RNF216: variants seen among roughly 807,000 people sequenced by gnomAD.
RNF216 encodes the protein E3 ubiquitin-protein ligase RNF216.
In RNF216, 72 loss-of-function variants were observed where a neutral mutation model predicts 110.8. That is an observed-to-expected ratio of 0.65 (90% CI 0.54 to 0.79). The LOEUF (loss-of-function observed/expected upper bound fraction) is 0.79, where lower values mean the gene tolerates loss of function less well. Ranked by LOEUF, RNF216 falls within the 30% of genes least tolerant of loss-of-function variation. The pLI is 0.00. For synonymous variants in RNF216, 495 were observed against 407.5 expected, an observed-to-expected ratio of 1.21 and a Z score of -2.59; for missense variants, 1,342 against 1,141.2, an observed-to-expected ratio of 1.18 and a Z score of -2.54.
In RNF216 at chr7:5,689,728, TG is replaced by T. The variant is rs951781838; in HGVS notation, c.2061+22032del. Among the ~76,000 whole-genome samples, 57 of 151,608 alleles carry T rather than the reference TG, an allele frequency of 3.8e-4. 1 individual carries two copies. Among genetic ancestry groups the T allele is most frequent in the Admixed American group, 3.5e-3 (53 of 15,216 alleles). ...AGCACTTTGGGGAGGCCGAGGCAGG[TG>T]GATCACCTAAGGTTAGGAGTTCAAG... On this transcript the variant is annotated intron_variant, in intron 13 of 16. Coordinates refer to ENST00000389902, the MANE Select transcript of RNF216 (RefSeq NM_207111.4).
chr7:5,778,062 T>C (rs971296689), intron 1 of RNF216, among the ~76,000 whole-genome samples: 1 of 152,212 alleles, frequency 6.6e-6, no homozygotes, highest in African/African-American at 2.4e-5. Context: ...CTCCATCCCT[T>C]GACATGTTTT....
chr7:5,714,305 C>A (rs1792904983), intron 11 of RNF216, among the ~76,000 whole-genome samples: 2 of 152,172 alleles, frequency 1.3e-5, no homozygotes, highest in Middle Eastern at 3.4e-3. Flanking sequence ...GTTGCCCAGG[C>A]TGGAGTGCAA....
intron 13 of RNF216, among the ~76,000 whole-genome samples, chr7:5,683,408 G>A (rs946836201): frequency 3.4e-4 from 51 of 152,146 alleles, no homozygotes; most frequent in African/African-American, 1.2e-3. Flanking sequence ...TCCTGCAACA[G>A]TGCCCAGAGG....
intron 5 of RNF216, among the ~76,000 whole-genome samples, chr7:5,738,472 G>A (rs748847872): frequency 1.3e-5 from 2 of 152,140 alleles, no homozygotes; most frequent in Non-Finnish European, 2.9e-5. Context: ...ACTTTGGGAG[G>A]CCGAGGCGGG....
intron 7 of RNF216, among the ~76,000 whole-genome samples, chr7:5,727,902 G>C (rs1214073137): frequency 6.6e-6 from 1 of 150,964 alleles, no homozygotes; most frequent in Non-Finnish European, 1.5e-5. Context: ...TCCATATGCT[G>C]ATGACTCTCA....
chr7:5,745,327 T>C (rs1794975844), intron 3 of RNF216, among the ~76,000 whole-genome samples: 1 of 152,204 alleles, frequency 6.6e-6, no homozygotes, highest in Non-Finnish European at 1.5e-5. Flanking sequence ...AAATGACTAG[T>C]TCCTTAACAT....
In RNF216 at chr7:5,761,028, G is replaced by A; in HGVS notation, c.42C>T (p.Asn14=). 1.3e-6 allele frequency: 2 copies of A among 1,583,826 alleles called. No individual in the cohort carries two copies. Among genetic ancestry groups the A allele is most frequent in the African/African-American group, 1.4e-5 (1 of 72,888 alleles). Residue 14 remains asparagine, a synonymous_variant, in exon 2 of 17, where the codon AAC becomes AAT. Transcript: ENST00000389902. ...GNNNEEVIHL[N]NFHCHRGQEW... Reference sequence around the variant, plus strand: ...CTTGTCCCCGATGGCAGTGAAAGTTGTTCAAGTGAATTACCTCTTCATTGT... The same window carrying A: ...CTTGTCCCCGATGGCAGTGAAAGTTATTCAAGTGAATTACCTCTTCATTGT...
intron 7 of RNF216, among the ~76,000 whole-genome samples, 162 bp downstream of exon 7, chr7:5,729,270 G>C (rs772655200): frequency 3.3e-5 from 5 of 152,042 alleles, no homozygotes; most frequent in Non-Finnish European, 5.9e-5. Context: ...TTTTCATTTA[G>C]TCCGTCACGA....
At chr7:5,753,560 GTA>G (rs1795443332) in intron 2 of RNF216, among the ~76,000 whole-genome samples, 1 of 152,096 alleles carries the variant, frequency 6.6e-6, no homozygotes, top group Non-Finnish European at 1.5e-5. Context: ...CCATCTAAAT[GTA>G]GTAATTCTAT....
rs775383603 is a variant in RNF216 at position 5,761,116 on chromosome 7, G to C, written c.-47C>G. ...TATGGGACTGCTAATATCTAAACATGGTGACCATCTGTTTCAAAAGAACTG... is the reference window on the plus strand; with the variant it reads ...TATGGGACTGCTAATATCTAAACATCGTGACCATCTGTTTCAAAAGAACTG... On this transcript the variant is annotated 5_prime_UTR_variant, in exon 2 of 17. Transcript: ENST00000389902. 6.3e-6 allele frequency: 8 copies of C among 1,278,978 alleles called. No homozygotes were observed. The highest frequency in any genetic ancestry group is 8.7e-6 in the Non-Finnish European group (8 of 917,230). 79.2% of individuals were successfully genotyped at this position (1,278,978 alleles called of 1,614,324 possible). A position where few individuals can be genotyped will look rare whatever the true frequency, so the allele number is the denominator to read the frequency against.
chr7:5,727,299 T>C (rs1793819645), intron 7 of RNF216, among the ~76,000 whole-genome samples: 1 of 152,258 alleles, frequency 6.6e-6, no homozygotes, highest in African/African-American at 2.4e-5. Flanking sequence ...CACCTCACCC[T>C]TATGACCACA....
At chr7:5,752,343 T>A (rs528784362) in intron 3 of RNF216, among the ~76,000 whole-genome samples, 1 of 152,198 alleles carries the variant, frequency 6.6e-6, no homozygotes, top group Non-Finnish European at 1.5e-5. Context: ...TAGCCTTGAC[T>A]ATATGAAAAG....
At chr7:5,692,417 C>T (rs376065267) in intron 13 of RNF216, among the ~76,000 whole-genome samples, 2 of 152,218 alleles carry the variant, frequency 1.3e-5, no homozygotes, top group East Asian at 3.8e-4. Flanking sequence ...GTTAGTCAGA[C>T]ATACTCTGTG....
intron 14 of RNF216, among the ~76,000 whole-genome samples, chr7:5,644,827 CTTTTTTTTTT>C (rs59440013): frequency 7.4e-6 from 1 of 135,940 alleles, no homozygotes; most frequent in African/African-American, 2.8e-5. Context: ...TTCTTTTTTT[CTTTTTTTTTT>C]TTTTTGAAAC....
chr7:5,734,608 C>CTTTTCTCACTGT, intron 5 of RNF216, among the ~76,000 whole-genome samples: 1 of 136,990 alleles, frequency 7.3e-6, no homozygotes, highest in African/African-American at 3.3e-5. Flanking sequence ...AAATGGCTTT[C>CTTTTCTCACTGT]AAGGTTAAAT....
chr7:5,655,743 A>ACT (rs1168887766), intron 13 of RNF216, among the ~76,000 whole-genome samples: 4 of 151,940 alleles, frequency 2.6e-5, no homozygotes, highest in African/African-American at 9.7e-5. Flanking sequence ...TTTAAAATGT[A>ACT]CTCTCTCTTC....
Position 5,741,189 on chromosome 7 carries a change from C to G in RNF216, c.828G>C (p.Arg276Ser). The change falls in exon 4 of 17, where the codon AGG (arginine) becomes AGC (serine). Residue 276 changes from arginine to serine, a missense_variant. Coordinates refer to ENST00000389902, the MANE Select transcript of RNF216 (RefSeq NM_207111.4). Reference protein sequence around the residue: ...QHEFPGPAFPRPEPQQGGISG... With the variant: ...QHEFPGPAFPSPEPQQGGISG... ...AAATCCCACCTTGCTGGGGTTCCGG[C>G]CTTGGAAAAGCGGGCCCTGGGAATT... 1 of 1,614,112 alleles carries G rather than the reference C, an allele frequency of 6.2e-7. No individual in the cohort carries two copies. Among genetic ancestry groups the G allele is most frequent in the South Asian group, 1.1e-5 (1 of 91,088 alleles).
In RNF216 at chr7:5,621,171, G is replaced by GT. The variant is rs200227974; in HGVS notation, c.*1688dup. 0.085 allele frequency: 11,805 copies of GT among 138,400 alleles called. 521 individuals are homozygous for GT. The highest frequency in any genetic ancestry group is 0.12 in the African/African-American group (4,449 of 37,698). 8.6% of individuals were successfully genotyped at this position (138,400 alleles called of 1,614,324 possible). The stretch of plus-strand genomic sequence containing the variant: ...AAAGGCAGAAAGAATGGGTATCTTA[G>GT]TTTTTTTTTTTTTTTTTTTAAAGAT... On this transcript the variant is annotated 3_prime_UTR_variant, in exon 17 of 17. Transcript: ENST00000389902.
At chr7:5,677,228 C>T (rs1327648163) in intron 13 of RNF216, among the ~76,000 whole-genome samples, 1 of 152,210 alleles carries the variant, frequency 6.6e-6, no homozygotes, top group Non-Finnish European at 1.5e-5. Context: ...TCAGCACGTG[C>T]TTCTGCAACA....
Sources: gnomAD v4.1 joint callset for allele counts (sites outside exome capture counted in the v4.1 genomes callset) on GRCh38, gnomAD v4.1.1 for gene constraint, MANE v1.5 for transcripts, NCBI Gene and HGNC (gene_info 2026-07-23, HGNC 2026-07-21) for gene names.